CELF4: variants seen among roughly 807,000 people sequenced by gnomAD.
The protein encoded by CELF4 is CUG-BP- and ETR-3-like factor 4.
A neutral mutation model predicts 59.9 loss-of-function variants in CELF4; 18 were observed. The ratio of observed to expected loss-of-function variants is 0.30; its 90% CI spans 0.21 to 0.45. CELF4 has a LOEUF of 0.45. Ranked by LOEUF, CELF4 falls within the 20% of genes least tolerant of loss-of-function variation. The probability of loss-of-function intolerance (pLI) is 1.00; values close to 1 mark genes in which losing one functional copy is unlikely to be tolerated. For missense variants in CELF4, 456 were observed against 689.0 expected (o/e 0.66, Z 3.79); for synonymous variants, 261 against 267.1 (o/e 0.98, Z 0.22).
chr18:37,483,663 A>G (rs1450502403), intron 2 of CELF4, among the ~76,000 whole-genome samples: 1 of 152,158 alleles, frequency 6.6e-6, no homozygotes, highest in African/African-American at 2.4e-5. Context: ...ATGGGTGGAA[A>G]GGGGGCTGGC....
chr18:37,513,249 A>G (rs773569559), intron 1 of CELF4, among the ~76,000 whole-genome samples: 1 of 152,164 alleles, frequency 6.6e-6, no homozygotes, highest in Non-Finnish European at 1.5e-5. Flanking sequence ...CCCCCATTCT[A>G]GAAAGTGTCT....
chr18:37,368,978 G>A (rs1479184839), intron 2 of CELF4, among the ~76,000 whole-genome samples: 2 of 152,186 alleles, frequency 1.3e-5, no homozygotes, highest in Non-Finnish European at 2.9e-5. Flanking sequence ...GCAAACCTCC[G>A]GGGGATCGGC....
intron 3 of CELF4, among the ~76,000 whole-genome samples, chr18:37,285,270 C>A (rs945790333): frequency 6.6e-6 from 1 of 152,204 alleles, no homozygotes; most frequent in African/African-American, 2.4e-5. Flanking sequence ...TAAAGTTTTT[C>A]CTTTTGAGTC....
At chr18:37,270,133 G>T in intron 8 of CELF4, among the ~76,000 whole-genome samples, 1 of 152,162 alleles carries the variant, frequency 6.6e-6, no homozygotes, top group Admixed American at 6.5e-5. Context: ...GGCTAAGTTT[G>T]AGGAAAAAAG....
intron 1 of CELF4, among the ~76,000 whole-genome samples, chr18:37,529,395 C>A (rs2099967128): frequency 6.6e-6 from 1 of 152,202 alleles, no homozygotes; most frequent in South Asian, 2.1e-4. Flanking sequence ...ACGACACTGT[C>A]TCTGACCTCA....
intron 1 of CELF4, among the ~76,000 whole-genome samples, chr18:37,526,871 A>C (rs2099964443): frequency 6.7e-5 from 2 of 29,904 alleles, no homozygotes; most frequent in Admixed American, 3.8e-4. Context: ...TAACCTGTCC[A>C]TTATGAAAAC....
At chr18:37,341,873 G>C (rs996031474) in intron 2 of CELF4, among the ~76,000 whole-genome samples, 1 of 152,170 alleles carries the variant, frequency 6.6e-6, no homozygotes. Flanking sequence ...TTAGGCTGAA[G>C]ATCTTCCTCC....
chr18:37,293,427 G>T (rs886992076), intron 3 of CELF4, among the ~76,000 whole-genome samples: 13 of 152,168 alleles, frequency 8.5e-5, no homozygotes, highest in African/African-American at 2.7e-4. Context: ...TATGTTCTGT[G>T]TCTGTGTCTA....
intron 2 of CELF4, among the ~76,000 whole-genome samples, chr18:37,405,749 C>A (rs1043214658): frequency 6.6e-6 from 1 of 152,106 alleles, no homozygotes; most frequent in Non-Finnish European, 1.5e-5. Context: ...GGGAAGAGGG[C>A]GGTGGGCTTT....
intron 2 of CELF4, among the ~76,000 whole-genome samples, chr18:37,459,012 T>A (rs951737425): frequency 6.6e-6 from 1 of 152,234 alleles, no homozygotes; most frequent in Non-Finnish European, 1.5e-5. Flanking sequence ...AGCCTTCATT[T>A]CTTGCAAAGC....
chr18:37,357,191 C>T (rs2098604782), intron 2 of CELF4, among the ~76,000 whole-genome samples: 1 of 152,188 alleles, frequency 6.6e-6, no homozygotes, highest in African/African-American at 2.4e-5. Flanking sequence ...AGCCCGCAGG[C>T]CTGTGAAGGT....
chr18:37,249,674 AC>A (rs1358038156), intron 12 of CELF4, among the ~76,000 whole-genome samples: 3 of 151,744 alleles, frequency 2.0e-5, no homozygotes, highest in Non-Finnish European at 2.9e-5. Flanking sequence ...CTGCAGGGTG[AC>A]CCCTTCCCGA....
At chr18:37,259,607 G>T (rs1255887950) in intron 10 of CELF4, among the ~76,000 whole-genome samples, 7 of 152,186 alleles carry the variant, frequency 4.6e-5, no homozygotes, top group Non-Finnish European at 8.8e-5. Flanking sequence ...AGGTGCTGAA[G>T]ATAGGGAAGG....
At chr18:37,555,710 G>T (rs1163563984) in intron 1 of CELF4, among the ~76,000 whole-genome samples, 1 of 152,140 alleles carries the variant, frequency 6.6e-6, no homozygotes, top group African/African-American at 2.4e-5. Flanking sequence ...ATCACTCTGG[G>T]CTGGCTGTCA....
chr18:37,315,478 C>T (rs539207700), intron 3 of CELF4, among the ~76,000 whole-genome samples: 1 of 152,232 alleles, frequency 6.6e-6, no homozygotes, highest in South Asian at 2.1e-4. Context: ...CCTGGTGGTC[C>T]CAGTCTGTGC....
At chr18:37,465,606 T>G (rs1470398914) in intron 2 of CELF4, among the ~76,000 whole-genome samples, 1 of 152,148 alleles carries the variant, frequency 6.6e-6, no homozygotes, top group Non-Finnish European at 1.5e-5. Context: ...GCCCACTGTG[T>G]GCCCAGAGCT....
At chr18:37,550,127 T>A (rs1358525738) in intron 1 of CELF4, among the ~76,000 whole-genome samples, 1 of 121,274 alleles carries the variant, frequency 8.2e-6, no homozygotes, top group Non-Finnish European at 1.6e-5. Context: ...CAAGAATAGG[T>A]CTGGGGAGGG....
At chr18:37,295,581 T>C (rs1216445829) in intron 3 of CELF4, among the ~76,000 whole-genome samples, 1 of 152,210 alleles carries the variant, frequency 6.6e-6, no homozygotes, top group Non-Finnish European at 1.5e-5. Context: ...TTGGAACTCT[T>C]GCAATGCACC....
chr18:37,281,220 G>A (rs1286973688), intron 3 of CELF4, among the ~76,000 whole-genome samples: 1 of 152,254 alleles, frequency 6.6e-6, no homozygotes, highest in African/African-American at 2.4e-5. Flanking sequence ...TGCTGGCCGG[G>A]CAGGGTGAGT....
Sources: gnomAD v4.1 joint callset for allele counts (sites outside exome capture counted in the v4.1 genomes callset) on GRCh38, gnomAD v4.1.1 for gene constraint, MANE v1.5 for transcripts, NCBI Gene and HGNC (gene_info 2026-07-23, HGNC 2026-07-21) for gene names.